The following DNAH9 variants were observed in gnomAD, a reference collection of about 807,000 sequenced individuals.
DNAH9 encodes the protein dynein axonemal heavy chain 9.
A neutral mutation model predicts 471.6 loss-of-function variants in DNAH9; 345 were observed. That is an observed-to-expected ratio of 0.73 (90% CI 0.67 to 0.80). DNAH9 has a LOEUF of 0.80. Ranked by LOEUF, DNAH9 falls within the 30% of genes least tolerant of loss-of-function variation. The pLI, the probability that DNAH9 is intolerant of heterozygous loss-of-function variation, is 0.00. For synonymous variants in DNAH9, 2,093 were observed against 2,123.6 expected (o/e 0.99, Z 0.40); for missense variants, 5,407 against 5,609.2 (o/e 0.96, Z 1.15).
chr17:11,648,937 C>T (rs184564872), intron 12 of DNAH9, among the ~76,000 whole-genome samples: 92 of 152,212 alleles, frequency 6.0e-4, no homozygotes, highest in Middle Eastern at 6.8e-3. Context: ...ACGAGCCTGA[C>T]TGACATGGAG....
At chr17:11,916,217 A>T (rs776565792) in intron 61 of DNAH9, among the ~76,000 whole-genome samples, 1 of 152,194 alleles carries the variant, frequency 6.6e-6, no homozygotes, top group Non-Finnish European at 1.5e-5. Context: ...TTGACCTCCA[A>T]CTACTCCATC....
chr17:11,697,373 T>A (rs2074495173), intron 22 of DNAH9, among the ~76,000 whole-genome samples: 1 of 152,178 alleles, frequency 6.6e-6, no homozygotes, highest in Non-Finnish European at 1.5e-5. Flanking sequence ...TGCTGTTTGT[T>A]GTTACAAAGA....
At chr17:11,726,026 T>C (rs1459501618) in intron 27 of DNAH9, among the ~76,000 whole-genome samples, 1 of 152,212 alleles carries the variant, frequency 6.6e-6, no homozygotes, top group Non-Finnish European at 1.5e-5. Flanking sequence ...ACCATGACTT[T>C]ATTTAGTAAT....
At chr17:11,781,529 C>T (rs937989734) in intron 39 of DNAH9, among the ~76,000 whole-genome samples, 14 of 152,202 alleles carry the variant, frequency 9.2e-5, no homozygotes, top group African/African-American at 3.4e-4. Flanking sequence ...TGGGCATGTG[C>T]TTCAATGATA....
chr17:11,846,038 T>G (rs1971212302), intron 49 of DNAH9, among the ~76,000 whole-genome samples: 1 of 152,006 alleles, frequency 6.6e-6, no homozygotes, highest in South Asian at 2.1e-4. Flanking sequence ...TGGCTTTTGT[T>G]GCCATTGCTT....
chr17:11,768,626 G>A lies in DNAH9; in HGVS notation c.7344G>A (p.Gln2448=). Reference sequence around the variant, plus strand: ...AATTTGACCCCGAGATGCCCTTGCAGGTGAGTGCAGCTGAGCAGCCGAGGA... The same window carrying A: ...AATTTGACCCCGAGATGCCCTTGCAAGTGAGTGCAGCTGAGCAGCCGAGGA... ...QFEFDPEMPL[Q]ACLVHTSETI... is the part of the protein sequence containing the mutation. The change falls in exon 37 of 69, where the codon CAG becomes CAA. Residue 2448 remains glutamine, a splice_region_variant and synonymous_variant. Coordinates refer to ENST00000262442, the MANE Select transcript of DNAH9 (RefSeq NM_001372.4). 6.2e-7 allele frequency: 1 copy of A among 1,613,890 alleles called. No individual in the cohort carries two copies. Among genetic ancestry groups the A allele is most frequent in the Non-Finnish European group, 8.5e-7 (1 of 1,179,860 alleles).
chr17:11,629,643 G>A (rs769520174), intron 7 of DNAH9, 59 bp downstream of exon 7: 520 of 1,502,342 alleles, frequency 3.5e-4, no homozygotes, highest in Non-Finnish European at 4.6e-4. Flanking sequence ...CCTCTCATCT[G>A]TAGGGTCTAG....
Position 11,869,196 on chromosome 17 carries a change from C to T in DNAH9, c.9996C>T (p.Leu3332=), listed in dbSNP as rs1972171797. 6.2e-7 allele frequency: 1 copy of T among 1,613,714 alleles called. No individual in the cohort carries two copies. The highest frequency in any genetic ancestry group is 8.5e-7 in the Non-Finnish European group (1 of 1,179,840). Residue 3332 remains leucine, a synonymous_variant, in exon 51 of 69, where the codon CTC becomes CTT. Transcript: ENST00000262442. The part of the protein sequence containing the change: ...ARFEKATADK[L]KCQQEAEVTA... The stretch of plus-strand genomic sequence containing the variant: ...TTGAGAAAGCAACAGCAGACAAACT[C>T]AAATGTCAGCAAGAAGCCGAAGTGA...
At chr17:11,767,553 A>G (rs1209847743) in intron 36 of DNAH9, among the ~76,000 whole-genome samples, 2 of 152,048 alleles carry the variant, frequency 1.3e-5, no homozygotes, top group African/African-American at 4.8e-5. Context: ...TTAAACTGTC[A>G]TTGTCCTGCC....
chr17:11,802,112 C>T (rs1383329181), intron 43 of DNAH9, among the ~76,000 whole-genome samples: 2 of 152,180 alleles, frequency 1.3e-5, no homozygotes, highest in Non-Finnish European at 2.9e-5. Flanking sequence ...CCACCCGTTA[C>T]TTTATCCTCG....
chr17:11,633,223 G>A (rs549502252), intron 8 of DNAH9, among the ~76,000 whole-genome samples: 3 of 152,300 alleles, frequency 2.0e-5, no homozygotes, highest in East Asian at 1.9e-4. Context: ...AGCTGAGAAC[G>A]CTGCATCGTG....
rs71142253 is a variant in DNAH9, at chr17:11,926,035, GAAAAAAAAAA to G, written c.11877+2112_11877+2121del. Among the ~76,000 whole-genome samples the G allele has an allele frequency of 4.0e-4, 24 of 59,914 alleles. 2 individuals carry two copies. In the South Asian group the frequency reaches 0.014, roughly 35 times the overall value. 39.3% of individuals were successfully genotyped at this position (59,914 alleles called of 152,430 possible). A position where few individuals can be genotyped will look rare whatever the true frequency, so the allele number is the denominator to read the frequency against. On this transcript the variant is annotated intron_variant, in intron 62 of 68. Coordinates refer to ENST00000262442, the MANE Select transcript of DNAH9 (RefSeq NM_001372.4). ...AGCCTGTAAACCTGAGAGATTCTCTGAAAAAAAAAAAAAAAAAAAAAAAAAAAGCTGGGGG... is the reference window on the plus strand; with the variant it reads ...AGCCTGTAAACCTGAGAGATTCTCTGAAAAAAAAAAAAAAAAAGCTGGGGG...
intron 38 of DNAH9, among the ~76,000 whole-genome samples, chr17:11,778,363 G>A (rs372349910): frequency 0.049 from 3,360 of 68,016 alleles, 12 homozygotes; most frequent in South Asian, 0.072. Flanking sequence ...AAAAAAAAAA[G>A]AAAAGGGAAG....
At chr17:11,808,014 A>G (rs1391110204) in intron 44 of DNAH9, 120 bp downstream of exon 44, 3 of 1,186,112 alleles carry the variant, frequency 2.5e-6, no homozygotes, top group East Asian at 5.2e-5. Flanking sequence ...ATGTCTGTCC[A>G]TTTCTGTCTT....
Position 11,632,690 on chromosome 17 carries a change from A to T in DNAH9, c.1622A>T (p.Glu541Val). 1 of 1,581,828 alleles carries T rather than the reference A, an allele frequency of 6.3e-7. No homozygotes were observed. The highest frequency in any genetic ancestry group is 8.7e-7 in the Non-Finnish European group (1 of 1,150,604). Reference protein sequence around the residue: ...IQAFDDAPGLEHAFKLLDIAG... With the variant: ...IQAFDDAPGLVHAFKLLDIAG... ...GCTTTTGATGATGCACCTGGCTTGG[A>T]GCATGCCTTTAAGGTTTGTGTAAAT... The change falls in exon 8 of 69, where the codon GAG (glutamate) becomes GTG (valine). Residue 541 changes from glutamate (E) to valine (V), a missense_variant. By Grantham distance (121) the Glu-to-Val change is moderately radical (BLOSUM62 -2). Transcript: ENST00000262442.
chr17:11,710,253 T>C (rs2074806038), intron 26 of DNAH9, among the ~76,000 whole-genome samples: 1 of 152,162 alleles, frequency 6.6e-6, no homozygotes, highest in African/African-American at 2.4e-5. Context: ...AAGTATCCCA[T>C]AATTTATGTA....
chr17:11,831,565 C>G (rs1970685091), intron 48 of DNAH9, among the ~76,000 whole-genome samples: 1 of 152,128 alleles, frequency 6.6e-6, no homozygotes, highest in Admixed American at 6.5e-5. Context: ...ATAACAGTCT[C>G]CAGCCCTCAG....
At chr17:11,794,570 T>C (rs1969179530) in intron 42 of DNAH9, among the ~76,000 whole-genome samples, 1 of 152,198 alleles carries the variant, frequency 6.6e-6, no homozygotes, top group Admixed American at 6.5e-5. Context: ...TGACATGGAT[T>C]GGTTTCAAAC....
At position 11,886,953 on chromosome 17, in the gene DNAH9, G is replaced by A. The variant is rs771870396; in HGVS notation, c.11100G>A (p.Gln3700=). The change falls in exon 57 of 69, where the codon CAG becomes CAA. Residue 3700 remains glutamine, a synonymous_variant. Transcript: ENST00000262442. ...TCAGCAAGATCCATCCAATGTACCAGTTTTCTCTCAAGGTGACTTACACCT... is the reference window on the plus strand; with the variant it reads ...TCAGCAAGATCCATCCAATGTACCAATTTTCTCTCAAGGTGACTTACACCT... ...NDLSKIHPMY[Q]FSLKAFSIVF... 5.0e-6 allele frequency: 8 copies of A among 1,609,218 alleles called. No individual in the cohort carries two copies. Among genetic ancestry groups the A allele is most frequent in the Non-Finnish European group, 5.9e-6 (7 of 1,177,854 alleles).
Sources: gnomAD v4.1 joint callset for allele counts (sites outside exome capture counted in the v4.1 genomes callset) on GRCh38, gnomAD v4.1.1 for gene constraint, MANE v1.5 for transcripts, NCBI Gene and HGNC (gene_info 2026-07-23, HGNC 2026-07-21) for gene names.